The following SLCO5A1 variants were observed in gnomAD, a reference collection of about 807,000 sequenced individuals.
SLCO5A1 encodes the protein solute carrier organic anion transporter family member 5A1.
In SLCO5A1, 39 loss-of-function variants were observed where a neutral mutation model predicts 65.1. The observed-to-expected ratio is 0.60, with a 90% confidence interval of 0.46 to 0.78. The LOEUF is 0.78. Ranked by LOEUF, SLCO5A1 falls within the 30% of genes least tolerant of loss-of-function variation. The pLI, the probability that SLCO5A1 is intolerant of heterozygous loss-of-function variation, is 0.00. For synonymous variants in SLCO5A1, 438 were observed against 415.7 expected, an observed-to-expected ratio of 1.05 and a Z score of -0.65; for missense variants, 1,029 against 1,069.4, an observed-to-expected ratio of 0.96 and a Z score of 0.53.
intron 6 of SLCO5A1, among the ~76,000 whole-genome samples, chr8:69,689,798 C>T (rs533321086): frequency 0.018 from 2,764 of 151,632 alleles, 73 homozygotes; most frequent in African/African-American, 0.064. Context: ...GTTCTTTTGG[C>T]TTAGGATTGA....
At chr8:69,776,117 G>A (rs185957262) in intron 2 of SLCO5A1, among the ~76,000 whole-genome samples, 9 of 152,258 alleles carry the variant, frequency 5.9e-5, no homozygotes, top group Admixed American at 3.3e-4. Flanking sequence ...CAAAATCAAT[G>A]AGTTAGTTAT....
At chr8:69,702,874 G>T (rs1037584392) in intron 6 of SLCO5A1, among the ~76,000 whole-genome samples, 4 of 152,042 alleles carry the variant, frequency 2.6e-5, no homozygotes, top group African/African-American at 9.7e-5. Flanking sequence ...TTTGGGAAGT[G>T]GGGGCAGGAG....
intron 2 of SLCO5A1, among the ~76,000 whole-genome samples, chr8:69,789,151 T>C (rs1276330001): frequency 2.0e-5 from 3 of 152,210 alleles, no homozygotes; most frequent in Non-Finnish European, 4.4e-5. Context: ...CACAACACTG[T>C]GCCTCTTGGC....
intron 6 of SLCO5A1, among the ~76,000 whole-genome samples, chr8:69,682,617 C>T (rs145446589): frequency 6.6e-6 from 1 of 152,186 alleles, no homozygotes; most frequent in Non-Finnish European, 1.5e-5. Flanking sequence ...GTGCTATGAA[C>T]CTGGTCTCAA....
chr8:69,743,841 A>G (rs1816908054), intron 4 of SLCO5A1, among the ~76,000 whole-genome samples: 1 of 152,222 alleles, frequency 6.6e-6, no homozygotes, highest in Admixed American at 6.5e-5. Flanking sequence ...AAGACTGGCC[A>G]AAAACCCCTT....
intron 6 of SLCO5A1, among the ~76,000 whole-genome samples, chr8:69,687,351 G>T (rs555148982): frequency 6.6e-6 from 1 of 152,256 alleles, no homozygotes; most frequent in South Asian, 2.1e-4. Context: ...TGCTAGCATA[G>T]GTTTAGAAGA....
At position 69,740,726 on chromosome 8, in the gene SLCO5A1, C is replaced by A. The variant is rs1468519946; in HGVS notation, c.1259-2522G>T. 2.0e-5 allele frequency among the ~76,000 whole-genome samples: 3 copies of A among 152,146 alleles called. 1 individual carries two copies. The East Asian group carries it at 5.8e-4, about 29-fold the overall frequency. ...ATAATACAAGATAAGCCTAGAAAAT[C>A]TTGTTGAACAAGAAAGCAAAAATGT... On this transcript the variant is annotated intron_variant, in intron 4 of 9. Coordinates refer to ENST00000260126, the MANE Select transcript of SLCO5A1 (RefSeq NM_030958.3).
intron 2 of SLCO5A1, among the ~76,000 whole-genome samples, chr8:69,825,055 A>G (rs927676710): frequency 6.6e-6 from 1 of 152,238 alleles, no homozygotes; most frequent in Non-Finnish European, 1.5e-5. Flanking sequence ...GATGCAGAAA[A>G]GGCCTTTGAC....
Position 69,670,386 on chromosome 8 carries a change from G to A in SLCO5A1, c.*2483C>T, listed in dbSNP as rs1463222791. The A allele has an allele frequency of 6.6e-6, 1 of 152,134 alleles. No homozygotes were observed. Among genetic ancestry groups the A allele is most frequent in the Non-Finnish European group, 1.5e-5 (1 of 68,018 alleles). The allele number at this position is 152,134 out of a possible 1,614,324, so 9.4% of individuals were successfully genotyped here. On this transcript the variant is annotated 3_prime_UTR_variant, in exon 10 of 10. Transcript: ENST00000260126. ...GTAATATTCCAGTGATGCTACCATA[G>A]CCCCAAGTATTTTGTGAACCACTCT...
intron 2 of SLCO5A1, among the ~76,000 whole-genome samples, chr8:69,768,498 GCTTAA>G (rs1818176438): frequency 6.6e-6 from 1 of 152,142 alleles, no homozygotes; most frequent in African/African-American, 2.4e-5. Flanking sequence ...ACGCTGGGTG[GCTTAA>G]GAAACCGACA....
intron 2 of SLCO5A1, among the ~76,000 whole-genome samples, chr8:69,812,859 G>A (rs1376058190): frequency 6.6e-6 from 1 of 152,114 alleles, no homozygotes; most frequent in Non-Finnish European, 1.5e-5. Flanking sequence ...TATCTTTAAG[G>A]AAGTCTTTCT....
intron 5 of SLCO5A1, among the ~76,000 whole-genome samples, chr8:69,725,962 G>A (rs1816049870): frequency 6.6e-6 from 1 of 152,184 alleles, no homozygotes; most frequent in Admixed American, 6.5e-5. Context: ...GGGGATCTGG[G>A]CTATTCAGAA....
At chr8:69,792,953 G>T (rs1050503394) in intron 2 of SLCO5A1, among the ~76,000 whole-genome samples, 1 of 147,552 alleles carries the variant, frequency 6.8e-6, no homozygotes, top group Admixed American at 6.7e-5. Context: ...GTTTGTTTTT[G>T]TTGTTGTTGT....
At chr8:69,769,456 G>C (rs1009743351) in intron 2 of SLCO5A1, among the ~76,000 whole-genome samples, 7 of 152,098 alleles carry the variant, frequency 4.6e-5, no homozygotes, top group Non-Finnish European at 7.4e-5. Flanking sequence ...CCACACCTGT[G>C]CCATGTCAAA....
intron 2 of SLCO5A1, among the ~76,000 whole-genome samples, chr8:69,828,126 G>A (rs2130927194): frequency 6.6e-6 from 1 of 152,194 alleles, no homozygotes; most frequent in Non-Finnish European, 1.5e-5. Context: ...ATCTTATAAG[G>A]TCATTGAGAA....
chr8:69,811,237 A>T (rs1436257356), intron 2 of SLCO5A1, among the ~76,000 whole-genome samples: 1 of 152,184 alleles, frequency 6.6e-6, no homozygotes, highest in Admixed American at 6.5e-5. Flanking sequence ...ATAGCCCGTG[A>T]GCTTACGTGT....
intron 4 of SLCO5A1, among the ~76,000 whole-genome samples, chr8:69,749,540 C>G (rs1305241750): frequency 6.6e-6 from 1 of 151,896 alleles, no homozygotes; most frequent in African/African-American, 2.4e-5. Flanking sequence ...ATCACTTGAG[C>G]CTTGGAGGCG....
At chr8:69,795,948 T>G (rs1819474232) in intron 2 of SLCO5A1, among the ~76,000 whole-genome samples, 1 of 152,222 alleles carries the variant, frequency 6.6e-6, no homozygotes. Context: ...GCTTACACCC[T>G]CTGAAGCATC....
rs926702744 is a variant in SLCO5A1, at chr8:69,832,805, C to A, written c.-132G>T. The A allele has an allele frequency of 1.9e-6, 2 of 1,076,818 alleles. No homozygotes were observed. The highest frequency in any genetic ancestry group is 5.8e-5 in the Admixed American group (2 of 34,696). 66.7% of individuals were successfully genotyped at this position (1,076,818 alleles called of 1,614,324 possible). A position where few individuals can be genotyped will look rare whatever the true frequency, so the allele number is the denominator to read the frequency against. On this transcript the variant is annotated 5_prime_UTR_variant, in exon 2 of 10. Coordinates refer to ENST00000260126, the MANE Select transcript of SLCO5A1 (RefSeq NM_030958.3). The surrounding 1 kb of genome is among the most constrained non-coding windows in gnomAD (Gnocchi z 4.5). ...GGGACTGGGGCTGGGGGCGCAGGGC[C>A]GCGCAGCAGGGCATCCTCACCAGCT...
Sources: gnomAD v4.1 joint callset for allele counts (sites outside exome capture counted in the v4.1 genomes callset) on GRCh38, gnomAD v4.1.1 for gene constraint, Gnocchi (gnomAD v3.1) non-coding constraint, MANE v1.5 for transcripts, NCBI Gene and HGNC (gene_info 2026-07-23, HGNC 2026-07-21) for gene names.